Variants in KATNBL1 observed in about 807,000 individuals in gnomAD.
KATNBL1 encodes the protein KATNB1-like protein 1.
KATNBL1 carries 28 observed loss-of-function variants against 44.7 expected under a neutral mutation model. That is an observed-to-expected ratio of 0.63 (90% CI 0.46 to 0.86). The LOEUF (loss-of-function observed/expected upper bound fraction) is 0.86. KATNBL1 is among the 40% of genes least tolerant of loss of function. The pLI, the probability that KATNBL1 is intolerant of heterozygous loss-of-function variation, is 0.00. For synonymous variants in KATNBL1, 78 were observed against 114.9 expected, an observed-to-expected ratio of 0.68 and a Z score of 2.06; for missense variants, 272 against 350.7, an observed-to-expected ratio of 0.78 and a Z score of 1.79.
At chr15:34,187,397 AC>A (rs1450665596) in intron 1 of KATNBL1, among the ~76,000 whole-genome samples, 1 of 152,134 alleles carries the variant, frequency 6.6e-6, no homozygotes. Context: ...TTGTCTGTGT[AC>A]CTCATTCTTC....
chr15:34,181,677 C>G (rs62016518), intron 1 of KATNBL1, among the ~76,000 whole-genome samples: 3 of 77,368 alleles, frequency 3.9e-5, no homozygotes, highest in Non-Finnish European at 7.6e-5. Flanking sequence ...CATATATATA[C>G]ACATATATAT....
rs907242598 is a variant in KATNBL1, at chr15:34,154,692, A to G, written c.118-8T>C. 6.5e-7 allele frequency: 1 copy of G among 1,548,924 alleles called. No homozygotes were observed. The highest frequency in any genetic ancestry group is 8.9e-7 in the Non-Finnish European group (1 of 1,121,260). On this transcript the variant is annotated splice_region_variant and splice_polypyrimidine_tract_variant and intron_variant, in intron 2 of 9. Transcript: ENST00000256544. ...TTTTGGAGATTTCTTAACCTGAAAA[A>G]TGAAAGTAGATAGTTGATGTTAGAA...
intron 1 of KATNBL1, among the ~76,000 whole-genome samples, chr15:34,184,576 C>CTTTTTTTTTTTTTTTTTTT (rs71119942): frequency 2.1e-5 from 2 of 95,258 alleles, no homozygotes; most frequent in Non-Finnish European, 3.8e-5. Flanking sequence ...CCTAATGTTT[C>CTTTTTTTTTTTTTTTTTTT]TTTTTTTTTT....
intron 1 of KATNBL1, among the ~76,000 whole-genome samples, chr15:34,170,456 GA>G (rs952849737): frequency 6.6e-6 from 1 of 152,132 alleles, no homozygotes; most frequent in African/African-American, 2.4e-5. Flanking sequence ...ACAAATGGAA[GA>G]ACATTCCATG....
chr15:34,142,170 C>G lies in KATNBL1; in HGVS notation c.*169G>C. ...GATATTTTTCCACTTCAATGTGAAG[C>G]AGATTGCTGGGATTTCATTAGTGGT... On this transcript the variant is annotated 3_prime_UTR_variant, in exon 10 of 10. Transcript: ENST00000256544. 1.8e-6 allele frequency: 1 copy of G among 540,820 alleles called. No homozygotes were observed. Among genetic ancestry groups the G allele is most frequent in the East Asian group, 3.5e-5 (1 of 28,172 alleles). 33.5% of individuals were successfully genotyped at this position (540,820 alleles called of 1,614,324 possible).
chr15:34,150,332 T>C (rs1160943809), intron 4 of KATNBL1, among the ~76,000 whole-genome samples: 1 of 152,216 alleles, frequency 6.6e-6, no homozygotes, highest in Non-Finnish European at 1.5e-5. Context: ...GGCTCACACC[T>C]GTAATCCCAG....
intron 1 of KATNBL1, among the ~76,000 whole-genome samples, chr15:34,189,058 G>A (rs1889801951): frequency 6.6e-6 from 1 of 152,082 alleles, no homozygotes; most frequent in African/African-American, 2.4e-5. Flanking sequence ...TTGAGACAGA[G>A]TCTCGCTCTG....
At chr15:34,170,411 C>A (rs1889122812) in intron 1 of KATNBL1, among the ~76,000 whole-genome samples, 1 of 152,172 alleles carries the variant, frequency 6.6e-6, no homozygotes, top group African/African-American at 2.4e-5. Context: ...AGGAGAACTA[C>A]AAACCACTGC....
chr15:34,154,096 T>C (rs1009242203), intron 3 of KATNBL1, among the ~76,000 whole-genome samples: 5 of 152,232 alleles, frequency 3.3e-5, no homozygotes, highest in Non-Finnish European at 7.3e-5. Context: ...TGGGTTCTCA[T>C]TTCTGCTTCT....
At position 34,183,616 on chromosome 15, in the gene KATNBL1, TA is replaced by T. The variant is rs1317838221; in HGVS notation, c.-14-19927del. On this transcript the variant is annotated intron_variant, in intron 1 of 9. Coordinates refer to ENST00000256544, the MANE Select transcript of KATNBL1 (RefSeq NM_024713.3). ...AAAAGAAAGAAAAACCTGCAGACAA[TA>T]AAATACGATTATTTTTTAATAGAGG... 9.2e-5 allele frequency among the ~76,000 whole-genome samples: 14 copies of T among 152,074 alleles called. 1 individual carries two copies. Among genetic ancestry groups the T allele is most frequent in the Admixed American group, 8.5e-4 (13 of 15,258 alleles).
intron 2 of KATNBL1, among the ~76,000 whole-genome samples, chr15:34,159,403 TGATTAATAGCTCTAA>T (rs1000980205): frequency 2.6e-5 from 4 of 152,194 alleles, no homozygotes; most frequent in Admixed American, 6.5e-5. Context: ...TTGGACTATC[TGATTAATAGCTCTAA>T]GGTCTTACAC....
chr15:34,147,566 G>T, intron 5 of KATNBL1, 136 bp from the exon 6 acceptor site: 14 of 476,624 alleles, frequency 2.9e-5, no homozygotes, highest in East Asian at 1.4e-4. Context: ...CATGTCTGTG[G>T]ATACAGCAAT....
intron 1 of KATNBL1, among the ~76,000 whole-genome samples, chr15:34,189,095 A>G (rs1168401155): frequency 6.6e-6 from 1 of 151,510 alleles, no homozygotes; most frequent in African/African-American, 2.4e-5. Context: ...CAGTGGTGTG[A>G]TCTCGGCTCA....
At chr15:34,178,529 G>A (rs1361559928) in intron 1 of KATNBL1, among the ~76,000 whole-genome samples, 1 of 152,092 alleles carries the variant, frequency 6.6e-6, no homozygotes, top group African/African-American at 2.4e-5. Context: ...AGGCCAAGGA[G>A]GGCAGATCAC....
intron 2 of KATNBL1, among the ~76,000 whole-genome samples, chr15:34,160,005 A>C (rs1235795702): frequency 6.6e-6 from 1 of 152,122 alleles, no homozygotes; most frequent in Non-Finnish European, 1.5e-5. Flanking sequence ...CCCACTTGTA[A>C]ATTTATCAAG....
Position 34,142,261 on chromosome 15 carries a change from C to G in KATNBL1, c.*78G>C. ...TCTTCCACAGTTCACAGTTCTCAGA[C>G]GAGACTTTTTTTTTTTGTAAATTAT... On this transcript the variant is annotated 3_prime_UTR_variant, in exon 10 of 10. Coordinates refer to ENST00000256544, the MANE Select transcript of KATNBL1 (RefSeq NM_024713.3). 1.5e-6 allele frequency: 2 copies of G among 1,322,940 alleles called. No homozygotes were observed. Among genetic ancestry groups the G allele is most frequent in the South Asian group, 3.5e-5 (2 of 57,614 alleles). 82.0% of individuals were successfully genotyped at this position (1,322,940 alleles called of 1,614,324 possible).
At chr15:34,202,710 G>A (rs1474029974) in intron 1 of KATNBL1, among the ~76,000 whole-genome samples, 1 of 152,064 alleles carries the variant, frequency 6.6e-6, no homozygotes, top group Admixed American at 6.6e-5. Context: ...TAAAATCTCG[G>A]CCAGGCGCGG....
rs925906710 is a variant in KATNBL1, at chr15:34,205,661, G to T, written c.-15+4290C>A. Among the ~76,000 whole-genome samples, 8 of 152,302 alleles carry T rather than the reference G, an allele frequency of 5.3e-5. No individual in the cohort carries two copies. The East Asian group carries it at 1.5e-3, about 29-fold the overall frequency. ...TTGTACTCTGGTTGGTTTGCATTTT[G>T]AATTCCTTCAAGATACTCAGAGCAT... On this transcript the variant is annotated intron_variant, in intron 1 of 9. Transcript: ENST00000256544.
At chr15:34,142,606 C>T (rs1888181423) in intron 9 of KATNBL1, 2 of 407,888 alleles carry the variant, frequency 4.9e-6, no homozygotes, top group Non-Finnish European at 8.9e-6. Context: ...GGTTCCTATG[C>T]TCAAACAACT....
Sources: gnomAD v4.1 joint callset for allele counts (sites outside exome capture counted in the v4.1 genomes callset) on GRCh38, gnomAD v4.1.1 for gene constraint, MANE v1.5 for transcripts, NCBI Gene and HGNC (gene_info 2026-07-23, HGNC 2026-07-21) for gene names.